DGKB: variants seen among roughly 807,000 people sequenced by gnomAD.
DGKB encodes the protein diacylglycerol kinase beta, also known as 90 kDa diacylglycerol kinase.
A neutral mutation model predicts 114.3 loss-of-function variants in DGKB; 67 were observed. That is an observed-to-expected ratio of 0.59 (90% CI 0.48 to 0.72). The LOEUF (loss-of-function observed/expected upper bound fraction) is 0.72. Among genes scored for constraint, DGKB ranks in the 30% least tolerant of loss-of-function variants. The probability of loss-of-function intolerance (pLI) is 0.00; values close to 1 mark genes in which losing one functional copy is unlikely to be tolerated. For missense variants in DGKB, 907 were observed against 975.2 expected, an observed-to-expected ratio of 0.93 and a Z score of 0.93; for synonymous variants, 398 against 323.1, an observed-to-expected ratio of 1.23 and a Z score of -2.49.
intron 13 of DGKB, among the ~76,000 whole-genome samples, chr7:14,655,582 C>T (rs1311380341): frequency 2.0e-5 from 3 of 151,700 alleles, no homozygotes; most frequent in Non-Finnish European, 4.4e-5. Context: ...GACATCTTCA[C>T]CCCCATGTTT....
chr7:14,881,045 T>C (rs180842016), intron 1 of DGKB, among the ~76,000 whole-genome samples: 9 of 152,318 alleles, frequency 5.9e-5, no homozygotes, highest in African/African-American at 1.9e-4. Flanking sequence ...TAATAAGTTA[T>C]GATAAAATAT....
chr7:14,687,944 A>G (rs951207897), intron 9 of DGKB, among the ~76,000 whole-genome samples: 1 of 152,216 alleles, frequency 6.6e-6, no homozygotes, highest in Non-Finnish European at 1.5e-5. Context: ...CAGGCATAAA[A>G]TGCTTTACCA....
chr7:14,718,544 T>G lies in DGKB; in HGVS notation c.464A>C (p.Glu155Ala). ...AAACAAAATGAAGAAACACATACAC[T>G]CAAGCTTATCCTCAGGTCTTCCTCT... is the stretch of plus-strand genomic sequence containing the variant. ...LERGRPEDKL[E>A]FMFRLYDTDG... The change falls in exon 6 of 26, where the codon GAG (glutamate) becomes GCG (alanine). Residue 155 changes from glutamate to alanine, a missense_variant and splice_region_variant. Around this residue, in one of 3 missense-constraint regions of DGKB, gnomAD observed 814 missense variants for 856.6 expected, o/e 0.95. Coordinates refer to ENST00000402815, the MANE Select transcript of DGKB (RefSeq NM_001350709.2). 1 of 1,609,658 alleles carries G rather than the reference T, an allele frequency of 6.2e-7. No individual in the cohort carries two copies. The highest frequency in any genetic ancestry group is 8.5e-7 in the Non-Finnish European group (1 of 1,178,466).
At chr7:14,283,104 C>G (rs1335116758) in intron 23 of DGKB, among the ~76,000 whole-genome samples, 1 of 151,652 alleles carries the variant, frequency 6.6e-6, no homozygotes, top group Non-Finnish European at 1.5e-5. Context: ...GATTATATAT[C>G]TAGAAAAACC....
At chr7:14,693,377 G>T (rs145141682) in intron 9 of DGKB, among the ~76,000 whole-genome samples, 1 of 152,038 alleles carries the variant, frequency 6.6e-6, no homozygotes, top group East Asian at 1.9e-4. Flanking sequence ...GGGTCAGCAA[G>T]ATTTGCTTTC....
At chr7:14,391,606 A>G (rs942826167) in intron 21 of DGKB, among the ~76,000 whole-genome samples, 21 of 152,018 alleles carry the variant, frequency 1.4e-4, no homozygotes, top group Non-Finnish European at 2.8e-4. Flanking sequence ...AGCTGAGGTG[A>G]GAGGATCACT....
rs531836714 is a variant in DGKB at position 14,429,697 on chromosome 7, C to A, written c.1835+48464G>T. Among the ~76,000 whole-genome samples, 11 of 152,162 alleles carry A rather than the reference C, an allele frequency of 7.2e-5. 1 individual carries two copies. The South Asian group carries it at 2.3e-3, about 32-fold the overall frequency. On this transcript the variant is annotated intron_variant, in intron 21 of 25. Coordinates refer to ENST00000402815, the MANE Select transcript of DGKB (RefSeq NM_001350709.2). ...CAGCACTTTGAGAGGCCAAGGTGGGCAGATCACGAGGTCAGGAGTTCAAGA... is the reference window on the plus strand; with the variant it reads ...CAGCACTTTGAGAGGCCAAGGTGGGAAGATCACGAGGTCAGGAGTTCAAGA...
intron 20 of DGKB, among the ~76,000 whole-genome samples, chr7:14,514,362 C>T (rs907955936): frequency 1.3e-5 from 2 of 152,062 alleles, no homozygotes; most frequent in Non-Finnish European, 1.5e-5. Context: ...TTGAAATAAT[C>T]TTTTGAAAAA....
At chr7:14,552,519 G>A (rs1246951093) in intron 20 of DGKB, among the ~76,000 whole-genome samples, 3 of 152,122 alleles carry the variant, frequency 2.0e-5, no homozygotes, top group Admixed American at 2.0e-4. Flanking sequence ...AATATTGTGT[G>A]CTAACCCTCC....
At chr7:14,763,702 C>T (rs1836042564) in intron 2 of DGKB, among the ~76,000 whole-genome samples, 1 of 152,022 alleles carries the variant, frequency 6.6e-6, no homozygotes, top group Non-Finnish European at 1.5e-5. Flanking sequence ...TTTTAAAGAT[C>T]AAGGCCAATA....
At chr7:14,887,757 C>T (rs925217449) in intron 1 of DGKB, among the ~76,000 whole-genome samples, 5 of 151,734 alleles carry the variant, frequency 3.3e-5, no homozygotes, top group African/African-American at 1.2e-4. Context: ...AAAATTGTAT[C>T]ATATATTTAA....
chr7:14,552,721 T>C (rs1247577258), intron 20 of DGKB, among the ~76,000 whole-genome samples: 1 of 152,198 alleles, frequency 6.6e-6, no homozygotes. Flanking sequence ...AAGGAATCTG[T>C]TTTCCTTTCT....
chr7:14,514,825 A>G (rs1436744957), intron 20 of DGKB, among the ~76,000 whole-genome samples: 1 of 152,080 alleles, frequency 6.6e-6, no homozygotes, highest in Non-Finnish European at 1.5e-5. Context: ...AGGCTGAGAC[A>G]GGAGGACTGC....
intron 14 of DGKB, among the ~76,000 whole-genome samples, chr7:14,628,551 C>G (rs925498348): frequency 6.6e-6 from 1 of 152,024 alleles, no homozygotes; most frequent in Non-Finnish European, 1.5e-5. Context: ...TAGAAAAGCC[C>G]TTAATCTTCA....
chr7:14,473,354 T>A (rs1430111619), intron 21 of DGKB, among the ~76,000 whole-genome samples: 2 of 151,880 alleles, frequency 1.3e-5, no homozygotes, highest in Admixed American at 1.3e-4. Flanking sequence ...AGCCTGAGAG[T>A]GCATAGCAGT....
chr7:14,403,090 A>G (rs1823386029), intron 21 of DGKB, among the ~76,000 whole-genome samples: 1 of 151,962 alleles, frequency 6.6e-6, no homozygotes, highest in Admixed American at 6.6e-5. Context: ...ATATACATAC[A>G]TAGATACACA....
intron 21 of DGKB, among the ~76,000 whole-genome samples, chr7:14,425,318 C>G (rs1827336186): frequency 6.6e-6 from 1 of 151,934 alleles, no homozygotes; most frequent in Admixed American, 6.6e-5. Flanking sequence ...TACCATTATA[C>G]TAAGGCCATA....
At chr7:14,970,647 A>G (rs1346254273) in intron 1 of DGKB, among the ~76,000 whole-genome samples, 1 of 152,104 alleles carries the variant, frequency 6.6e-6, no homozygotes, top group Admixed American at 6.6e-5. Context: ...AAAGCGGGTA[A>G]AATTGCCCTC....
intron 1 of DGKB, among the ~76,000 whole-genome samples, chr7:14,956,111 T>C (rs1165545177): frequency 6.6e-6 from 1 of 151,996 alleles, no homozygotes; most frequent in Non-Finnish European, 1.5e-5. Flanking sequence ...ATGCTAAGAC[T>C]CATCTCAGGG....
Sources: gnomAD v4.1 joint callset for allele counts (sites outside exome capture counted in the v4.1 genomes callset) on GRCh38, gnomAD v4.1.1 for gene constraint, gnomAD v4.1.1 regional missense constraint, MANE v1.5 for transcripts, NCBI Gene and HGNC (gene_info 2026-07-23, HGNC 2026-07-21) for gene names.